Variants in CUBN observed in about 807,000 individuals in gnomAD.
CUBN encodes 460 kDa receptor.
A neutral mutation model predicts 405.3 loss-of-function variants in CUBN; 282 were observed. The observed-to-expected ratio is 0.70, with a 90% confidence interval of 0.63 to 0.77. The LOEUF is 0.77. Ranked by LOEUF, CUBN falls within the 30% of genes least tolerant of loss-of-function variation. CUBN has a pLI of 0.00. For synonymous variants in CUBN, 1,684 were observed against 1,617.0 expected (o/e 1.04, Z -0.99); for missense variants, 4,514 against 4,475.2 (o/e 1.01, Z -0.25).
intron 36 of CUBN, among the ~76,000 whole-genome samples, chr10:16,941,106 A>C (rs569459566): frequency 6.6e-6 from 1 of 152,312 alleles, no homozygotes; most frequent in South Asian, 2.1e-4. Context: ...ACTTGGCCTT[A>C]CTGCTTAAAA....
chr10:16,842,935 A>G (rs1588578270), intron 60 of CUBN, among the ~76,000 whole-genome samples: 1 of 151,848 alleles, frequency 6.6e-6, no homozygotes, highest in Non-Finnish European at 1.5e-5. Context: ...ACAGCTAAGG[A>G]CTCCCTGTCA....
chr10:16,850,618 C>T (rs1277322486), intron 60 of CUBN, among the ~76,000 whole-genome samples: 1 of 152,038 alleles, frequency 6.6e-6, no homozygotes, highest in Non-Finnish European at 1.5e-5. Flanking sequence ...ACTACAGGCG[C>T]CCGCCGCCAC....
At chr10:16,835,899 T>C (rs1005426995) in intron 63 of CUBN, among the ~76,000 whole-genome samples, 2 of 151,934 alleles carry the variant, frequency 1.3e-5, no homozygotes, top group Non-Finnish European at 2.9e-5. Flanking sequence ...TAAATAAACA[T>C]ATATATTTCT....
At chr10:16,973,914 C>T (rs543040931) in intron 31 of CUBN, among the ~76,000 whole-genome samples, 1 of 152,226 alleles carries the variant, frequency 6.6e-6, no homozygotes, top group Admixed American at 6.5e-5. Flanking sequence ...AGGTTGATTC[C>T]ATGCCTTTGC....
intron 31 of CUBN, among the ~76,000 whole-genome samples, chr10:16,955,035 C>CT (rs567199158): frequency 4.7e-4 from 72 of 152,238 alleles, no homozygotes; most frequent in African/African-American, 1.7e-3. Context: ...GAATTCTTTT[C>CT]AAACGATAGG....
At chr10:17,101,341 AT>A (rs34475751) in intron 13 of CUBN, among the ~76,000 whole-genome samples, 4 of 151,524 alleles carry the variant, frequency 2.6e-5, no homozygotes, top group Non-Finnish European at 5.9e-5. Context: ...ACCTAAGAAT[AT>A]TTTTTTTTCA....
chr10:17,070,768 C>T (rs1165717134), intron 19 of CUBN, among the ~76,000 whole-genome samples: 8 of 152,030 alleles, frequency 5.3e-5, no homozygotes, highest in Admixed American at 5.2e-4. Context: ...TGTGTGGATT[C>T]CTTATGATTT....
chr10:17,063,031 G>A (rs576757587), intron 22 of CUBN, among the ~76,000 whole-genome samples: 110 of 152,236 alleles, frequency 7.2e-4, no homozygotes, highest in Admixed American at 1.3e-3. Context: ...TGCCTTCTAG[G>A]TCTAGCCACT....
intron 22 of CUBN, among the ~76,000 whole-genome samples, chr10:17,053,008 G>A (rs1026424875): frequency 2.6e-5 from 4 of 151,592 alleles, no homozygotes; most frequent in African/African-American, 9.7e-5. Flanking sequence ...TAAAGCAGCT[G>A]CATATTAACT....
chr10:16,925,854 G>A (rs1842175105), intron 41 of CUBN, 80 bp from the exon 42 acceptor site: 3 of 1,296,676 alleles, frequency 2.3e-6, no homozygotes, highest in Non-Finnish European at 3.3e-6. Flanking sequence ...TTTCTTGGGG[G>A]GTTTTCAAAG....
chr10:16,836,885 T>TA (rs964814879), intron 62 of CUBN, among the ~76,000 whole-genome samples: 1 of 152,194 alleles, frequency 6.6e-6, no homozygotes, highest in African/African-American at 2.4e-5. Flanking sequence ...TTCCCCTTTG[T>TA]AACACTAGGG....
Position 16,877,107 on chromosome 10 carries a change from G to T in CUBN, c.8906-10C>A. 1 of 1,610,764 alleles carries T rather than the reference G, an allele frequency of 6.2e-7. No homozygotes were observed. Among genetic ancestry groups the T allele is most frequent in the Non-Finnish European group, 8.5e-7 (1 of 1,178,292 alleles). On this transcript the variant is annotated splice_polypyrimidine_tract_variant and intron_variant, in intron 56 of 66. Coordinates refer to ENST00000377833, the MANE Select transcript of CUBN (RefSeq NM_001081.4). ...GTCACAGCGGAACGAGCTGGAAAAGGCATGGAACAACCGCATTATGATCAG... is the reference window on the plus strand; with the variant it reads ...GTCACAGCGGAACGAGCTGGAAAAGTCATGGAACAACCGCATTATGATCAG...
chr10:17,013,167 C>T (rs932513944), intron 28 of CUBN, among the ~76,000 whole-genome samples: 2 of 152,058 alleles, frequency 1.3e-5, no homozygotes, highest in African/African-American at 4.8e-5. Context: ...TACTTCTATC[C>T]CTTTCTCTCT....
At chr10:16,952,878 TGAG>T (rs1384779120) in intron 32 of CUBN, among the ~76,000 whole-genome samples, 1 of 152,128 alleles carries the variant, frequency 6.6e-6, no homozygotes, top group Admixed American at 6.5e-5. Context: ...GGAGTCTTGC[TGAG>T]GAGGAGGCCG....
At chr10:16,938,913 A>C (rs758474812) in intron 38 of CUBN, 50 bp downstream of exon 38, 4 of 1,474,658 alleles carry the variant, frequency 2.7e-6, no homozygotes, top group Non-Finnish European at 3.8e-6. Flanking sequence ...TATTTTTACC[A>C]ATAGCAATTC....
intron 4 of CUBN, among the ~76,000 whole-genome samples, chr10:17,126,515 C>G (rs566959639): frequency 8.8e-4 from 134 of 152,298 alleles, no homozygotes; most frequent in African/African-American, 3.1e-3. Context: ...GGGCTGTGGG[C>G]TGCAAACTCA....
At chr10:16,918,284 G>T (rs1342456502) in intron 45 of CUBN, among the ~76,000 whole-genome samples, 3 of 151,988 alleles carry the variant, frequency 2.0e-5, no homozygotes, top group African/African-American at 7.3e-5. Context: ...GGTTCTTTTT[G>T]GGGTCCATAT....
chr10:16,971,688 A>T (rs1021863291), intron 31 of CUBN, among the ~76,000 whole-genome samples: 4 of 152,018 alleles, frequency 2.6e-5, no homozygotes, highest in Non-Finnish European at 5.9e-5. Context: ...CATAGAACCA[A>T]TCTGGCGCTT....
chr10:17,051,163 C>G (rs1426636086), intron 22 of CUBN, among the ~76,000 whole-genome samples: 1 of 151,860 alleles, frequency 6.6e-6, no homozygotes, highest in East Asian at 1.9e-4. Flanking sequence ...AGATCAAGAC[C>G]ATCCTGGCCA....
Sources: gnomAD v4.1 joint callset for allele counts (sites outside exome capture counted in the v4.1 genomes callset) on GRCh38, gnomAD v4.1.1 for gene constraint, MANE v1.5 for transcripts, NCBI Gene and HGNC (gene_info 2026-07-23, HGNC 2026-07-21) for gene names.